The following PCDHGB2 variants were observed in gnomAD, a reference collection of about 807,000 sequenced individuals.
PCDHGB2 encodes protocadherin gamma subfamily B, 2.
PCDHGB2 carries 55 observed loss-of-function variants against 59.3 expected under a neutral mutation model. The ratio of observed to expected loss-of-function variants is 0.93; its 90% CI spans 0.75 to 1.16. The LOEUF (loss-of-function observed/expected upper bound fraction) is 1.16. PCDHGB2 is among the 50% of genes most tolerant of loss of function. The pLI, the probability that PCDHGB2 is intolerant of heterozygous loss-of-function variation, is 0.00. For synonymous variants in PCDHGB2, 516 were observed against 512.0 expected, an observed-to-expected ratio of 1.01 and a Z score of -0.11; for missense variants, 1,228 against 1,198.5, an observed-to-expected ratio of 1.02 and a Z score of -0.36.
chr5:141,445,416 T>C lies in PCDHGB2; in HGVS notation c.2422-49391T>C, dbSNP rs190826518. ...TAACAAATATTTATTAACTGTCTGC[T>C]ATATGCAAGGCACTGACCTATGGAC... On this transcript the variant is annotated intron_variant, in intron 1 of 3. Coordinates refer to ENST00000522605, the MANE Select transcript of PCDHGB2 (RefSeq NM_018923.3). 2.2e-3 allele frequency among the ~76,000 whole-genome samples: 336 copies of C among 152,342 alleles called. 1 individual carries two copies. The highest frequency in any genetic ancestry group is 0.01 in the Middle Eastern group (3 of 294).
chr5:141,414,310 G>C, intron 1 of PCDHGB2: 1 of 1,613,722 alleles, frequency 6.2e-7, no homozygotes, highest in Non-Finnish European at 8.5e-7. Context: ...GCATGATTTA[G>C]ACTCTGAGCA....
intron 1 of PCDHGB2, chr5:141,427,490 T>C (rs752745429): frequency 1.8e-6 from 1 of 551,082 alleles, no homozygotes; most frequent in Non-Finnish European, 3.5e-6. Flanking sequence ...ACTATAAGCT[T>C]GTAACAGATG....
intron 1 of PCDHGB2, chr5:141,404,571 C>T: frequency 6.2e-7 from 1 of 1,613,720 alleles, no homozygotes; most frequent in Non-Finnish European, 8.5e-7. Flanking sequence ...AGTGGAAGCC[C>T]ACCACTTAGC....
At chr5:141,407,497 G>GTTTTTTTTTTTTTTTT (rs1554102286) in intron 1 of PCDHGB2, among the ~76,000 whole-genome samples, 1 of 151,966 alleles carries the variant, frequency 6.6e-6, no homozygotes, top group Non-Finnish European at 1.5e-5. Flanking sequence ...CTTTATTTCT[G>GTTTTTTTTTTTTTTTT]TTTTTCTTAG....
chr5:141,375,570 T>C, intron 1 of PCDHGB2: 2 of 1,614,014 alleles, frequency 1.2e-6, no homozygotes, highest in Non-Finnish European at 1.7e-6. Context: ...GAAGACACCC[T>C]CCAGGGGGCG....
chr5:141,502,784 G>C (rs185608958), intron 2 of PCDHGB2, among the ~76,000 whole-genome samples: 1 of 151,804 alleles, frequency 6.6e-6, no homozygotes, highest in Non-Finnish European at 1.5e-5. Flanking sequence ...AAATTACCTG[G>C]ATGATTTCTT....
rs762306215 is a variant in PCDHGB2 at position 141,374,474 on chromosome 5, C to A, written c.2421+11918C>A. On this transcript the variant is annotated intron_variant, in intron 1 of 3. Transcript: ENST00000522605. ...AATAGTGGACATTAATGACAATACA[C>A]CCCGATTCTTAAAGGAAGAATTGGA... 3.7e-6 allele frequency: 6 copies of A among 1,612,140 alleles called. No individual in the cohort carries two copies. In the African/African-American group the frequency reaches 4.0e-5, roughly 11 times the overall value.
Position 141,487,424 on chromosome 5 carries a change from C to T in PCDHGB2, c.2422-7383C>T, listed in dbSNP as rs759893122. 5 of 1,613,982 alleles carry T rather than the reference C, an allele frequency of 3.1e-6. No individual in the cohort carries two copies. The highest frequency in any genetic ancestry group is 1.7e-5 in the Admixed American group (1 of 60,000). On this transcript the variant is annotated intron_variant, in intron 1 of 3. Transcript: ENST00000522605. The surrounding 1 kb of genome is among the most constrained non-coding windows in gnomAD (Gnocchi z 5.0). ...GCTTCCCCCTTCCAATGGGATCCTC[C>T]GAATCCAGCTAGGGTCAGATGACCC...
At chr5:141,415,312 A>G (rs1245475147) in intron 1 of PCDHGB2, 1 of 1,614,222 alleles carries the variant, frequency 6.2e-7, no homozygotes, top group Non-Finnish European at 8.5e-7. Context: ...GGCCTTCGTC[A>G]TCGTGCTGCT....
intron 1 of PCDHGB2, chr5:141,417,260 G>A (rs1362206061): frequency 1.3e-5 from 2 of 152,174 alleles, no homozygotes; most frequent in Non-Finnish European, 2.9e-5. Context: ...CAGCTTCATA[G>A]ATAATTACTC....
intron 1 of PCDHGB2, chr5:141,379,443 G>A (rs995348151): frequency 2.6e-5 from 4 of 152,168 alleles, no homozygotes; most frequent in African/African-American, 9.7e-5. Flanking sequence ...TTATACATAT[G>A]ATTATTTCAT....
intron 1 of PCDHGB2, among the ~76,000 whole-genome samples, chr5:141,437,886 C>A (rs763669578): frequency 6.6e-6 from 1 of 152,022 alleles, no homozygotes; most frequent in Non-Finnish European, 1.5e-5. Flanking sequence ...TACAGGCACA[C>A]GCCACCACAC....
At position 141,422,030 on chromosome 5, in the gene PCDHGB2, C is replaced by T. The variant is rs1404612424; in HGVS notation, c.2421+59474C>T. ...ACTCGGGTGCTGATGGTTAATGCAA[C>T]GGATCCAGACGAGGGAATCAACGGG... On this transcript the variant is annotated intron_variant, in intron 1 of 3. Coordinates refer to ENST00000522605, the MANE Select transcript of PCDHGB2 (RefSeq NM_018923.3). 3 of 1,609,592 alleles carry T rather than the reference C, an allele frequency of 1.9e-6. No homozygotes were observed. The South Asian group carries it at 3.3e-5, about 18-fold the overall frequency.
chr5:141,409,736 G>A (rs1053484390), intron 1 of PCDHGB2: 3 of 1,613,110 alleles, frequency 1.9e-6, no homozygotes, highest in Non-Finnish European at 2.5e-6. Flanking sequence ...CGCGCAGAGC[G>A]GGGTGGTGTT....
At chr5:141,415,904 C>T in intron 1 of PCDHGB2, 1 of 833,428 alleles carries the variant, frequency 1.2e-6, no homozygotes, top group Non-Finnish European at 1.6e-6. Context: ...AGACAGACTT[C>T]CATACAGAAG....
chr5:141,476,665 C>T lies in PCDHGB2; in HGVS notation c.2422-18142C>T. On this transcript the variant is annotated intron_variant, in intron 1 of 3. Coordinates refer to ENST00000522605, the MANE Select transcript of PCDHGB2 (RefSeq NM_018923.3). This position sits in a 1 kb window ranked among gnomAD's most constrained non-coding sequence, Gnocchi z 7.6. ...GCCGAAATGAATACTTTGCGCTTCG[C>T]GTGCAGACGCGGGAGGACAGCACCA... 6.2e-7 allele frequency: 1 copy of T among 1,614,240 alleles called. No homozygotes were observed. Among genetic ancestry groups the T allele is most frequent in the East Asian group, 2.2e-5 (1 of 44,882 alleles).
At chr5:141,481,013 A>G (rs1198627648) in intron 1 of PCDHGB2, among the ~76,000 whole-genome samples, 1 of 152,164 alleles carries the variant, frequency 6.6e-6, no homozygotes, top group Admixed American at 6.5e-5. Context: ...AGCCCAGATC[A>G]CACCACTGCA....
intron 1 of PCDHGB2, among the ~76,000 whole-genome samples, chr5:141,406,485 G>T (rs2094815755): frequency 6.6e-6 from 1 of 152,142 alleles, no homozygotes; most frequent in Non-Finnish European, 1.5e-5. Flanking sequence ...ATATTTTTCA[G>T]ATCACAAGTG....
rs371319055 is a variant in PCDHGB2 at position 141,399,494 on chromosome 5, G to C, written c.2421+36938G>C. 328 of 1,614,032 alleles carry C rather than the reference G, an allele frequency of 2.0e-4. 1 individual carries two copies. The highest frequency in any genetic ancestry group is 1.7e-3 in the South Asian group (152 of 91,086). ...TTCCACCAGGCGTCCTACTTAGTCA[G>C]TGTACCCGAAAACAACCCTCCTGGG... is the stretch of plus-strand genomic sequence containing the variant. On this transcript the variant is annotated intron_variant, in intron 1 of 3. Coordinates refer to ENST00000522605, the MANE Select transcript of PCDHGB2 (RefSeq NM_018923.3).
Sources: allele counts gnomAD v4.1 joint callset (sites outside exome capture counted in the v4.1 genomes callset), GRCh38; gene constraint gnomAD v4.1.1; non-coding constraint Gnocchi (gnomAD v3.1); transcripts MANE v1.5; gene names NCBI Gene and HGNC (gene_info 2026-07-23, HGNC 2026-07-21).